Variants in CTCFL observed in about 807,000 individuals in gnomAD.
CTCFL encodes the protein CCCTC-binding factor like, also known as transcriptional repressor CTCFL.
A neutral mutation model predicts 67.4 loss-of-function variants in CTCFL; 36 were observed. The observed-to-expected ratio is 0.53, with a 90% CI of 0.41 to 0.71. The LOEUF (loss-of-function observed/expected upper bound fraction) is 0.71, where lower values mean the gene tolerates loss of function less well. Ranked by LOEUF, CTCFL falls within the 30% of genes least tolerant of loss-of-function variation. The pLI is 0.00. For missense variants in CTCFL, 786 were observed against 835.2 expected, an observed-to-expected ratio of 0.94 and a Z score of 0.73; for synonymous variants, 324 against 302.3, an observed-to-expected ratio of 1.07 and a Z score of -0.75.
intron 9 of CTCFL, among the ~76,000 whole-genome samples, chr20:57,504,210 T>C (rs1381450397): frequency 2.0e-5 from 3 of 151,518 alleles, no homozygotes; most frequent in Non-Finnish European, 4.4e-5. Context: ...TCTCCTGATA[T>C]TGTGATCTGC....
At chr20:57,506,463 C>T (rs1962671361) in intron 9 of CTCFL, among the ~76,000 whole-genome samples, 3 of 152,104 alleles carry the variant, frequency 2.0e-5, no homozygotes, top group Admixed American at 6.5e-5. Context: ...GCCACCATGC[C>T]CAGCTAATTT....
rs1018869218 is a variant in CTCFL, at chr20:57,512,510, T to C, written c.1491+82A>G. ...ATTAAAAGCATGACTTTTCTCAGTATCTTCAAGGTGGTAGAGAATCCCACC... is the reference window on the plus strand; with the variant it reads ...ATTAAAAGCATGACTTTTCTCAGTACCTTCAAGGTGGTAGAGAATCCCACC... On this transcript the variant is annotated intron_variant, in intron 8 of 10. Transcript: ENST00000243914. 5.9e-6 allele frequency: 8 copies of C among 1,365,498 alleles called. No homozygotes were observed. In the Admixed American group the frequency reaches 1.6e-4, roughly 28 times the overall value. The allele number at this position is 1,365,498 out of a possible 1,614,324, so 84.6% of individuals were successfully genotyped here. A position where few individuals can be genotyped will look rare whatever the true frequency, so the allele number is the denominator to read the frequency against.
chr20:57,519,399 T>C (rs1568878903), intron 3 of CTCFL, 22 bp from the exon 4 acceptor site: 3 of 1,604,430 alleles, frequency 1.9e-6, no homozygotes, highest in East Asian at 2.2e-5. Context: ...AAATAGTTTA[T>C]GTATTTGTTA....
At chr20:57,506,535 C>T (rs1276029381) in intron 9 of CTCFL, among the ~76,000 whole-genome samples, 1 of 152,210 alleles carries the variant, frequency 6.6e-6, no homozygotes, top group African/African-American at 2.4e-5. Context: ...AACTGCTGAC[C>T]TTGTGATCCA....
chr20:57,511,317 G>A (rs1326178066), intron 8 of CTCFL, among the ~76,000 whole-genome samples: 2 of 152,130 alleles, frequency 1.3e-5, no homozygotes, highest in African/African-American at 4.8e-5. Context: ...TGGGACTATA[G>A]GTGTGAGCCA....
rs1049896608 is a variant in CTCFL at position 57,524,038 on chromosome 20, G to A, written c.168C>T (p.Phe56=). The A allele has an allele frequency of 1.9e-6, 3 of 1,613,530 alleles. No homozygotes were observed. In the African/African-American group the frequency reaches 4.0e-5, roughly 22 times the overall value. ...CTTCTTCCTCCAGGACGCTGTCCTG[G>A]AAGGCCCCAGAGGTACGCTCGGCCT... The part of the protein sequence containing the change: ...ELEAERTSGA[F]QDSVLEEEVE... The change falls in exon 2 of 11, where the codon TTC becomes TTT. Residue 56 remains phenylalanine (F), a synonymous_variant. Coordinates refer to ENST00000243914, the MANE Select transcript of CTCFL (RefSeq NM_001386993.1).
At chr20:57,504,188 G>A (rs530034953) in intron 9 of CTCFL, among the ~76,000 whole-genome samples, 2,375 of 151,864 alleles carry the variant, frequency 0.016, 60 homozygotes, top group African/African-American at 0.055. Flanking sequence ...GTGTTAGCCA[G>A]GATGGTCTCG....
chr20:57,510,933 T>G (rs1247977460), intron 8 of CTCFL, among the ~76,000 whole-genome samples: 1 of 152,212 alleles, frequency 6.6e-6, no homozygotes, highest in East Asian at 1.9e-4. Context: ...GTATGTTAAG[T>G]GATAAAGAAA....
At chr20:57,524,664 G>T (rs963651872) in intron 1 of CTCFL, 10 of 1,004,022 alleles carry the variant, frequency 1.0e-5, no homozygotes, top group Non-Finnish European at 9.5e-6. Flanking sequence ...GTCCAAGCAG[G>T]CCCCGGGCCA....
chr20:57,523,776 A>G lies in CTCFL; in HGVS notation c.430T>C (p.Ser144Pro). The G allele has an allele frequency of 1.2e-6, 2 of 1,613,312 alleles. No homozygotes were observed. The highest frequency in any genetic ancestry group is 1.7e-6 in the Non-Finnish European group (2 of 1,180,032). The change falls in exon 2 of 11, where the codon TCC becomes CCC. Residue 144 changes from serine to proline, a missense_variant. This residue lies in a region of CTCFL where 333 missense variants were observed against 304.6 expected (regional missense o/e 1.09). Transcript: ENST00000243914. The stretch of plus-strand genomic sequence containing the variant: ...TGCAACACCTCCATCTCTTGCGGGG[A>G]GTACAGCTCTTGCTGGATACTAATG... ...VAISIQQELY[S>P]PQEMEVLQFH...
intron 9 of CTCFL, 146 bp from the exon 10 acceptor site, chr20:57,503,747 G>A: frequency 6.4e-6 from 5 of 777,454 alleles, no homozygotes; most frequent in Non-Finnish European, 8.2e-6. Context: ...CTAGCCCTAA[G>A]AAGTAAATAA....
At chr20:57,516,075 TGA>T (rs1033476665) in intron 5 of CTCFL, among the ~76,000 whole-genome samples, 2 of 152,236 alleles carry the variant, frequency 1.3e-5, no homozygotes, top group African/African-American at 2.4e-5. Context: ...GCAGCAGTTC[TGA>T]GAGACTTTCG....
rs759495687 is a variant in CTCFL at position 57,523,697 on chromosome 20, G to A, written c.509C>T (p.Ala170Val). The change falls in exon 2 of 11, where the codon GCG becomes GTG. Residue 170 changes from alanine to valine, a missense_variant. Physicochemically the swap from Ala to Val is moderately conservative, Grantham distance 64. Around this residue, in one of 3 missense-constraint regions of CTCFL, gnomAD observed 333 missense variants for 304.6 expected, o/e 1.09. Coordinates refer to ENST00000243914, the MANE Select transcript of CTCFL (RefSeq NM_001386993.1). ...VMVASEDSKL[A>V]VSLAETTGLI... is the part of the protein sequence containing the mutation. ...TCCAGTAGTTTCAGCCAGGCTCACC[G>A]CTAACTTACTGTCTTCACTGGCCAC... The A allele has an allele frequency of 3.1e-6, 5 of 1,613,258 alleles. No homozygotes were observed. Among genetic ancestry groups the A allele is most frequent in the African/African-American group, 2.7e-5 (2 of 74,932 alleles).
At chr20:57,505,380 C>T (rs1029656857) in intron 9 of CTCFL, among the ~76,000 whole-genome samples, 10 of 151,614 alleles carry the variant, frequency 6.6e-5, no homozygotes, top group Admixed American at 2.0e-4. Context: ...CTCAGCCTCC[C>T]GAGTAGCTGG....
chr20:57,523,750 C>A lies in CTCFL; in HGVS notation c.456G>T (p.Gln152His), dbSNP rs61754541. 2.4e-3 allele frequency: 3,871 copies of A among 1,613,424 alleles called. 81 individuals carry two copies. In the African/African-American group the frequency reaches 0.044, roughly 18 times the overall value. Reference protein sequence around the residue: ...LYSPQEMEVLQFHALEENVMV... With the variant: ...LYSPQEMEVLHFHALEENVMV... ...TCACATTCTCCTCTAGAGCGTGGAA[C>A]TGCAACACCTCCATCTCTTGCGGGG... is the stretch of plus-strand genomic sequence containing the variant. Residue 152 changes from glutamine to histidine, a missense_variant, in exon 2 of 11, where the codon CAG (glutamine) becomes CAT (histidine). Coordinates refer to ENST00000243914, the MANE Select transcript of CTCFL (RefSeq NM_001386993.1).
rs1207914401 is a variant in CTCFL at position 57,503,437 on chromosome 20, G to A, written c.1839C>T (p.Asp613=). The A allele has an allele frequency of 1.4e-5, 22 of 1,614,080 alleles. No homozygotes were observed. Among genetic ancestry groups the A allele is most frequent in the Middle Eastern group, 1.6e-4 (1 of 6,062 alleles). ...AKGWKEAANG[D]EAAAEEASTT... The stretch of plus-strand genomic sequence containing the variant: ...AACAAATCTGCGTAAAATCAGTACC[G>A]TCTCCGTTCGCGGCTTCCTTCCATC... The change falls in exon 10 of 11, where the codon GAC becomes GAT. Residue 613 remains aspartate (D), a splice_region_variant and synonymous_variant. Transcript: ENST00000243914.
At chr20:57,499,194 C>T (rs1020988268) in intron 10 of CTCFL, among the ~76,000 whole-genome samples, 8 of 151,996 alleles carry the variant, frequency 5.3e-5, no homozygotes, top group Non-Finnish European at 1.0e-4. Flanking sequence ...GGCTGAGCTG[C>T]TCACCTAAGT....
intron 3 of CTCFL, among the ~76,000 whole-genome samples, chr20:57,521,473 T>C (rs1444456808): frequency 6.6e-6 from 1 of 152,178 alleles, no homozygotes. Context: ...CTGGTGCAAA[T>C]TCAAATTGGT....
chr20:57,523,568 C>G (rs1484051529), intron 2 of CTCFL, 95 bp downstream of exon 2: 2 of 1,490,196 alleles, frequency 1.3e-6, no homozygotes, highest in Admixed American at 4.5e-5. Flanking sequence ...TAATTTGCAA[C>G]TGCAAAATAC....
Sources: gnomAD v4.1 joint callset for allele counts (sites outside exome capture counted in the v4.1 genomes callset) on GRCh38, gnomAD v4.1.1 for gene constraint, gnomAD v4.1.1 regional missense constraint, MANE v1.5 for transcripts, NCBI Gene and HGNC (gene_info 2026-07-23, HGNC 2026-07-21) for gene names.